SEMA5A: variants seen among roughly 807,000 people sequenced by gnomAD.
The protein encoded by SEMA5A is semaphorin 5A.
SEMA5A carries 55 observed loss-of-function variants against 135.5 expected under a neutral mutation model. The ratio of observed to expected loss-of-function variants is 0.41; its 90% CI spans 0.33 to 0.51. The LOEUF (loss-of-function observed/expected upper bound fraction) is 0.51, where lower values mean the gene tolerates loss of function less well. SEMA5A is among the 20% of genes least tolerant of loss of function. The pLI is 0.37. For missense variants in SEMA5A, 1,290 were observed against 1,419.9 expected (o/e 0.91, Z 1.47); for synonymous variants, 580 against 546.5 (o/e 1.06, Z -0.85).
At chr5:9,252,477 G>T (rs998519087) in intron 5 of SEMA5A, among the ~76,000 whole-genome samples, 14 of 152,168 alleles carry the variant, frequency 9.2e-5, no homozygotes, top group Admixed American at 7.9e-4. Context: ...CATGGATATT[G>T]TTCCATAACC....
At chr5:9,376,153 C>T (rs1335766444) in intron 3 of SEMA5A, among the ~76,000 whole-genome samples, 3 of 152,238 alleles carry the variant, frequency 2.0e-5, no homozygotes, top group Non-Finnish European at 4.4e-5. Context: ...CTGTCCCTGC[C>T]GGCATTTTGT....
chr5:9,162,555 TGTGTGTGTGTA>T (rs1743336913), intron 11 of SEMA5A, among the ~76,000 whole-genome samples: 2 of 25,246 alleles, frequency 7.9e-5, no homozygotes, highest in Non-Finnish European at 1.8e-4. Flanking sequence ...TATATATGTG[TGTGTGTGTGTA>T]TATATATATA....
chr5:9,130,218 A>G (rs1228790577), intron 13 of SEMA5A, among the ~76,000 whole-genome samples: 3 of 152,194 alleles, frequency 2.0e-5, no homozygotes, highest in Non-Finnish European at 4.4e-5. Flanking sequence ...CCTGGAGTTC[A>G]TCTTTAGATT....
chr5:9,263,351 C>T (rs1749507059), intron 5 of SEMA5A, among the ~76,000 whole-genome samples: 1 of 152,186 alleles, frequency 6.6e-6, no homozygotes, highest in Admixed American at 6.5e-5. Context: ...GCCTGAGTTC[C>T]TCTGCCTGTC....
intron 8 of SEMA5A, among the ~76,000 whole-genome samples, chr5:9,207,632 C>T (rs867729780): frequency 2.0e-5 from 3 of 152,112 alleles, no homozygotes; most frequent in Non-Finnish European, 2.9e-5. Context: ...ATAAGCATTC[C>T]CTGATTTTAG....
intron 4 of SEMA5A, among the ~76,000 whole-genome samples, chr5:9,334,577 T>G (rs1199108595): frequency 6.6e-6 from 1 of 152,240 alleles, no homozygotes; most frequent in Non-Finnish European, 1.5e-5. Context: ...GGTTATTTTA[T>G]TTCATCTTCG....
chr5:9,127,382 A>AT (rs1257711282), intron 13 of SEMA5A, among the ~76,000 whole-genome samples: 1 of 152,178 alleles, frequency 6.6e-6, no homozygotes, highest in African/African-American at 2.4e-5. Flanking sequence ...GTGTAAGAGC[A>AT]TGTACTTAGC....
chr5:9,106,668 A>C (rs1739932930), intron 16 of SEMA5A, among the ~76,000 whole-genome samples: 1 of 152,228 alleles, frequency 6.6e-6, no homozygotes, highest in Admixed American at 6.5e-5. Flanking sequence ...AGCAAAATAC[A>C]AAGTTATCCC....
intron 16 of SEMA5A, among the ~76,000 whole-genome samples, chr5:9,104,729 C>G (rs1014686658): frequency 2.6e-5 from 4 of 152,182 alleles, no homozygotes; most frequent in African/African-American, 9.7e-5. Flanking sequence ...GACCCACCAC[C>G]CTGCTCCTTC....
intron 16 of SEMA5A, among the ~76,000 whole-genome samples, chr5:9,098,664 T>G (rs971677591): frequency 3.3e-5 from 5 of 152,242 alleles, no homozygotes; most frequent in Non-Finnish European, 7.3e-5. Context: ...TTGCTATGCC[T>G]TTAACAGAAT....
intron 2 of SEMA5A, among the ~76,000 whole-genome samples, chr5:9,388,443 G>C (rs559880689): frequency 6.7e-6 from 1 of 148,262 alleles, no homozygotes; most frequent in East Asian, 2.0e-4. Flanking sequence ...TTCTGTGTCA[G>C]CTAAAGCAAC....
chr5:9,420,647 T>G (rs1757433052), intron 2 of SEMA5A, among the ~76,000 whole-genome samples: 1 of 152,094 alleles, frequency 6.6e-6, no homozygotes, highest in Admixed American at 6.5e-5. Context: ...TTTGAGCCCT[T>G]TAGACAATAG....
intron 5 of SEMA5A, among the ~76,000 whole-genome samples, chr5:9,270,741 T>A (rs1749932018): frequency 6.6e-6 from 1 of 151,616 alleles, no homozygotes; most frequent in African/African-American, 2.4e-5. Flanking sequence ...AGGACAAGGT[T>A]AAGGAGCTTT....
intron 4 of SEMA5A, among the ~76,000 whole-genome samples, chr5:9,322,108 G>A (rs1752655233): frequency 6.6e-6 from 1 of 152,134 alleles, no homozygotes; most frequent in East Asian, 1.9e-4. Flanking sequence ...GTTTTCCATA[G>A]AAGAAGATAA....
chr5:9,436,430 G>C (rs925085986), intron 2 of SEMA5A, among the ~76,000 whole-genome samples: 1 of 152,148 alleles, frequency 6.6e-6, no homozygotes, highest in Non-Finnish European at 1.5e-5. Context: ...TCTGCAAAAC[G>C]TAAGGACGAC....
intron 16 of SEMA5A, among the ~76,000 whole-genome samples, chr5:9,089,730 C>G (rs1251016577): frequency 6.6e-6 from 1 of 152,154 alleles, no homozygotes; most frequent in Non-Finnish European, 1.5e-5. Context: ...AACAGAAAGG[C>G]TTCTAACCTT....
chr5:9,088,659 T>TACACAC lies in SEMA5A; in HGVS notation c.2073+19475_2073+19480dup, dbSNP rs1554026678. Among the ~76,000 whole-genome samples the TACACAC allele has an allele frequency of 1.1e-3, 127 of 112,636 alleles. 1 individual carries two copies. Among genetic ancestry groups the TACACAC allele is most frequent in the Middle Eastern group, 4.5e-3 (1 of 220 alleles). 73.9% of individuals were successfully genotyped at this position (112,636 alleles called of 152,430 possible). ...TATAATATATATATATATATATATA[T>TACACAC]ACACACACACACTCATGGAATTCCA... is the stretch of plus-strand genomic sequence containing the variant. On this transcript the variant is annotated intron_variant, in intron 16 of 22. Transcript: ENST00000382496.
At chr5:9,148,164 T>C (rs116526000) in intron 12 of SEMA5A, among the ~76,000 whole-genome samples, 438 of 152,336 alleles carry the variant, frequency 2.9e-3, no homozygotes, top group Non-Finnish European at 4.8e-3. Context: ...TCCATGGTGT[T>C]CAGAAAATAT....
intron 1 of SEMA5A, among the ~76,000 whole-genome samples, chr5:9,448,438 G>A (rs1053711638): frequency 6.6e-6 from 1 of 152,168 alleles, no homozygotes; most frequent in Non-Finnish European, 1.5e-5. Context: ...CCCCTAGCAG[G>A]GAGTTAGCCC....
Sources: gnomAD v4.1 joint callset for allele counts (sites outside exome capture counted in the v4.1 genomes callset) on GRCh38, gnomAD v4.1.1 for gene constraint, MANE v1.5 for transcripts, NCBI Gene and HGNC (gene_info 2026-07-23, HGNC 2026-07-21) for gene names.